Variants in F8 observed in about 807,000 individuals in gnomAD.
F8 encodes the protein antihemophilic factor.
In F8, 12 loss-of-function variants were observed where a neutral mutation model predicts 140.6. The observed-to-expected ratio is 0.09, with a 90% CI of 0.05 to 0.14. The LOEUF (loss-of-function observed/expected upper bound fraction) is 0.14, where lower values mean the gene tolerates loss of function less well. F8 is among the 10% of genes least tolerant of loss of function. F8 has a pLI of 1.00. For synonymous variants in F8, 585 were observed against 614.6 expected (o/e 0.95, Z 0.71); for missense variants, 1,354 against 1,720.7 (o/e 0.79, Z 3.77).
intron 10 of F8, among the ~76,000 whole-genome samples, chrX:154,960,074 T>C (rs947033836): frequency 1.4e-4 from 16 of 111,770 alleles, no homozygotes; most frequent in African/African-American, 4.5e-4. Context: ...ATATCCTTAA[T>C]TTATGAAGTA....
intron 1 of F8, 84 bp downstream of exon 1, chrX:155,022,326 A>T (rs2073763653): frequency 4.9e-6 from 5 of 1,016,682 alleles, no homozygotes; most frequent in Non-Finnish European, 6.9e-6. Flanking sequence ...CAACCATCCT[A>T]ACCCGATGTC....
Position 154,972,979 on chromosome X carries a change from C to T in F8, c.788-3427G>A, listed in dbSNP as rs146277185. ...CTGCCTGCCTTGGCCTCCCAAAGTG[C>T]TGGGATTACAGGCATGAGCCACTGT... On this transcript the variant is annotated intron_variant, in intron 6 of 25. Coordinates refer to ENST00000360256, the MANE Select transcript of F8 (RefSeq NM_000132.4). 3.0e-4 allele frequency among the ~76,000 whole-genome samples: 33 copies of T among 111,418 alleles called. No individual in the cohort carries two copies. The East Asian group carries it at 8.4e-3, about 28-fold the overall frequency.
intron 14 of F8, among the ~76,000 whole-genome samples, chrX:154,923,173 C>T (rs1375625461): frequency 4.5e-5 from 5 of 111,458 alleles, no homozygotes; most frequent in Non-Finnish European, 3.8e-5. Flanking sequence ...TTTATTATTA[C>T]AGAAGCAGTG....
intron 25 of F8, among the ~76,000 whole-genome samples, chrX:154,842,623 G>T (rs1603431060): frequency 8.9e-6 from 1 of 111,808 alleles, no homozygotes; most frequent in African/African-American, 3.2e-5. Context: ...AACATAGGAA[G>T]ATTTTATAGT....
At chrX:154,987,137 G>A (rs1311545653) in intron 5 of F8, 100 bp downstream of exon 5, 1 of 704,034 alleles carries the variant, frequency 1.4e-6, no homozygotes, top group Non-Finnish European at 2.2e-6. Context: ...CTTCATTCCT[G>A]AACAGTAATG....
intron 13 of F8, among the ~76,000 whole-genome samples, chrX:154,947,224 G>GAAAAAAA (rs781928603): frequency 2.2e-4 from 4 of 17,849 alleles, no homozygotes; most frequent in African/African-American, 2.3e-4. Context: ...GACTCCGTCT[G>GAAAAAAA]AAAAAAAAAA....
intron 18 of F8, among the ~76,000 whole-genome samples, chrX:154,903,611 T>C (rs1262314060): frequency 1.8e-5 from 2 of 112,241 alleles, no homozygotes; most frequent in Non-Finnish European, 1.9e-5. Context: ...TGGTGCCCTA[T>C]GGGATTTGAG....
intron 25 of F8, 80 bp downstream of exon 25, chrX:154,860,352 A>G: frequency 9.1e-7 from 1 of 1,104,255 alleles, no homozygotes; most frequent in Non-Finnish European, 1.2e-6. Flanking sequence ...TCATATATCA[A>G]CCTTTTTATG....
intron 14 of F8, among the ~76,000 whole-genome samples, chrX:154,919,343 G>T (rs2073116999): frequency 8.9e-6 from 1 of 111,748 alleles, no homozygotes; most frequent in Admixed American, 9.5e-5. Context: ...ATATTTTAGT[G>T]GACTTTTGCT....
intron 18 of F8, among the ~76,000 whole-genome samples, chrX:154,903,595 G>A (rs2073021161): frequency 8.9e-6 from 1 of 112,136 alleles, no homozygotes; most frequent in Non-Finnish European, 1.9e-5. Flanking sequence ...CTCTTTGGAT[G>A]ACTACTGGTG....
intron 1 of F8, among the ~76,000 whole-genome samples, chrX:155,020,636 G>T (rs1490728396): frequency 8.9e-6 from 1 of 112,122 alleles, no homozygotes; most frequent in Non-Finnish European, 1.9e-5. Flanking sequence ...TAATAAAAGG[G>T]TTCTCATAAT....
intron 3 of F8, among the ~76,000 whole-genome samples, chrX:154,996,006 G>T (rs1184025591): frequency 9.0e-6 from 1 of 110,794 alleles, no homozygotes; most frequent in Non-Finnish European, 1.9e-5. Flanking sequence ...AACTTGAGCT[G>T]GATTTTAAAA....
chrX:154,860,710 T>C, intron 24 of F8, 102 bp from the exon 25 acceptor site: 1 of 818,167 alleles, frequency 1.2e-6, no homozygotes, highest in Non-Finnish European at 1.8e-6. Context: ...CACTCTACTT[T>C]CTTTTTTGAG....
At chrX:154,971,691 C>T (rs1452718311) in intron 6 of F8, among the ~76,000 whole-genome samples, 1 of 111,445 alleles carries the variant, frequency 9.0e-6, no homozygotes, top group Non-Finnish European at 1.9e-5. Flanking sequence ...TCTCCCACTT[C>T]CCCCTTATCT....
intron 12 of F8, among the ~76,000 whole-genome samples, chrX:154,949,182 C>A (rs947270097): frequency 9.8e-5 from 11 of 112,117 alleles, no homozygotes; most frequent in African/African-American, 3.6e-4. Flanking sequence ...TGAGTCCTTG[C>A]ACAACAAAGT....
chrX:154,853,942 T>G (rs1425801867), intron 25 of F8, among the ~76,000 whole-genome samples: 4 of 111,719 alleles, frequency 3.6e-5, no homozygotes, highest in Non-Finnish European at 7.5e-5. Flanking sequence ...ATTTACCATT[T>G]TAATCATTTT....
At chrX:154,938,640 T>C (rs181430156) in intron 13 of F8, among the ~76,000 whole-genome samples, 1 of 110,945 alleles carries the variant, frequency 9.0e-6, no homozygotes, top group Non-Finnish European at 1.9e-5. Context: ...TTAACCATAA[T>C]GCACCCTTAA....
intron 6 of F8, among the ~76,000 whole-genome samples, chrX:154,979,666 T>C (rs1557283343): frequency 9.0e-6 from 1 of 111,332 alleles, no homozygotes; most frequent in Admixed American, 9.5e-5. Context: ...TGGTTGTAGG[T>C]AGTGGAATTT....
At chrX:154,968,542 A>G (rs2073437302) in intron 7 of F8, among the ~76,000 whole-genome samples, 1 of 112,110 alleles carries the variant, frequency 8.9e-6, no homozygotes, top group Non-Finnish European at 1.9e-5. Context: ...AATAAATACA[A>G]AAGTAAGGAA....
Sources: allele counts gnomAD v4.1 joint callset (sites outside exome capture counted in the v4.1 genomes callset), GRCh38; gene constraint gnomAD v4.1.1; transcripts MANE v1.5; gene names NCBI Gene and HGNC (gene_info 2026-07-23, HGNC 2026-07-21).